HSPA4L: variants seen among roughly 807,000 people sequenced by gnomAD.
HSPA4L encodes the protein heat shock protein family A (Hsp70) member 4 like.
HSPA4L carries 48 observed loss-of-function variants against 100.3 expected under a neutral mutation model. The observed-to-expected ratio is 0.48, with a 90% CI of 0.38 to 0.61. The LOEUF is 0.61. HSPA4L is among the 20% of genes least tolerant of loss of function. HSPA4L has a pLI of 0.00. For missense variants in HSPA4L, 886 were observed against 988.6 expected, an observed-to-expected ratio of 0.90 and a Z score of 1.39; for synonymous variants, 319 against 328.2, an observed-to-expected ratio of 0.97 and a Z score of 0.30.
rs533860444 is a variant in HSPA4L at position 127,795,270 on chromosome 4, T to C, written c.166-498T>C. The stretch of plus-strand genomic sequence containing the variant: ...TCAGATTCTGTATTTTTTCAGATTT[T>C]GGAATATTTGCATGATACAGGTTGA... On this transcript the variant is annotated intron_variant, in intron 2 of 18. Transcript: ENST00000296464. Among the ~76,000 whole-genome samples, 4 of 152,282 alleles carry C rather than the reference T, an allele frequency of 2.6e-5. No individual in the cohort carries two copies. The East Asian group carries it at 5.8e-4, about 22-fold the overall frequency.
intron 5 of HSPA4L, 77 bp downstream of exon 5, chr4:127,801,314 A>G: frequency 9.5e-7 from 1 of 1,053,180 alleles, no homozygotes; most frequent in African/African-American, 1.7e-5. Flanking sequence ...ACAAAGCATT[A>G]TTTTTTTTTA....
At chr4:127,806,074 T>C (rs1004880504) in intron 10 of HSPA4L, among the ~76,000 whole-genome samples, 4 of 151,980 alleles carry the variant, frequency 2.6e-5, no homozygotes, top group Admixed American at 6.6e-5. Context: ...TCTTAGCCCA[T>C]TTTACAGACA....
chr4:127,800,313 T>C (rs1256108736), intron 4 of HSPA4L, among the ~76,000 whole-genome samples: 4 of 152,004 alleles, frequency 2.6e-5, no homozygotes. Flanking sequence ...TTTTGTTTTT[T>C]TTTAACTAGC....
chr4:127,824,035 TCTA>T (rs1184259805), intron 16 of HSPA4L, among the ~76,000 whole-genome samples: 2 of 152,192 alleles, frequency 1.3e-5, no homozygotes, highest in Non-Finnish European at 2.9e-5. Flanking sequence ...AACCACCAAT[TCTA>T]CTATCTGATT....
At chr4:127,784,683 T>G (rs546486733) in intron 1 of HSPA4L, among the ~76,000 whole-genome samples, 83 of 152,358 alleles carry the variant, frequency 5.4e-4, no homozygotes, top group Non-Finnish European at 1.0e-3. Flanking sequence ...TTCATGGTAG[T>G]GTAGTGCTCT....
intron 16 of HSPA4L, among the ~76,000 whole-genome samples, chr4:127,825,850 C>G (rs1733936139): frequency 6.7e-6 from 1 of 150,076 alleles, no homozygotes; most frequent in South Asian, 2.1e-4. Flanking sequence ...CGCTTGAACC[C>G]AGGAGGTGGA....
chr4:127,822,982 A>C (rs1733852977), intron 15 of HSPA4L, 88 bp downstream of exon 15: 2 of 1,326,752 alleles, frequency 1.5e-6, no homozygotes, highest in South Asian at 1.4e-5. Flanking sequence ...TAAATGTACC[A>C]AATGTTGTTA....
chr4:127,801,691 A>G, intron 5 of HSPA4L, 94 bp from the exon 6 acceptor site: 1 of 937,570 alleles, frequency 1.1e-6, no homozygotes, highest in Non-Finnish European at 1.6e-6. Flanking sequence ...ATGTATTACT[A>G]TACTGCATAT....
rs1734207273 is a variant in HSPA4L at position 127,836,235 on chromosome 4, CG to C, written c.*3364del. Reference sequence around the variant, plus strand: ...ACAAAAAATTAGCTGGGCATGGTGGCGGGCGCCGGTAGTCCCAGCTACTCAG... The same window carrying C: ...ACAAAAAATTAGCTGGGCATGGTGGCGGCGCCGGTAGTCCCAGCTACTCAG... On this transcript the variant is annotated 3_prime_UTR_variant, in exon 19 of 19. Coordinates refer to ENST00000296464, the MANE Select transcript of HSPA4L (RefSeq NM_014278.4). 6.6e-6 allele frequency: 1 copy of C among 152,214 alleles called. No homozygotes were observed. Among genetic ancestry groups the C allele is most frequent in the Non-Finnish European group, 1.5e-5 (1 of 68,432 alleles). The allele number at this position is 152,214 out of a possible 1,614,324, so 9.4% of individuals were successfully genotyped here. A position where few individuals can be genotyped will look rare whatever the true frequency, so the allele number is the denominator to read the frequency against.
chr4:127,801,072 T>G (rs1260903019), intron 4 of HSPA4L, 66 bp from the exon 5 acceptor site: 2 of 1,193,226 alleles, frequency 1.7e-6, no homozygotes, highest in Non-Finnish European at 2.4e-6. Context: ...TTAGGGTAAT[T>G]ATATTTTTCA....
At chr4:127,814,861 G>A (rs536078328) in intron 12 of HSPA4L, among the ~76,000 whole-genome samples, 27 of 152,100 alleles carry the variant, frequency 1.8e-4, no homozygotes, top group African/African-American at 5.5e-4. Flanking sequence ...CACCGTGCCC[G>A]GCCTGTGCAC....
Position 127,837,497 on chromosome 4 carries a change from C to T in HSPA4L, c.*4623C>T, listed in dbSNP as rs1411011926. ...TCTGATATTATCCTCTTACTACCTACAGTATGTTTTGCAAAAATCAGTCCA... is the reference window on the plus strand; with the variant it reads ...TCTGATATTATCCTCTTACTACCTATAGTATGTTTTGCAAAAATCAGTCCA... On this transcript the variant is annotated 3_prime_UTR_variant, in exon 19 of 19. Transcript: ENST00000296464. The T allele has an allele frequency of 2.0e-5, 3 of 152,164 alleles. No individual in the cohort carries two copies. Among genetic ancestry groups the T allele is most frequent in the Non-Finnish European group, 4.4e-5 (3 of 68,034 alleles). The allele number at this position is 152,164 out of a possible 1,614,324, so 9.4% of individuals were successfully genotyped here.
chr4:127,834,445 A>G lies in HSPA4L; in HGVS notation c.*1571A>G, dbSNP rs1734158991. 1 of 152,182 alleles carries G rather than the reference A, an allele frequency of 6.6e-6. No homozygotes were observed. Among genetic ancestry groups the G allele is most frequent in the African/African-American group, 2.4e-5 (1 of 41,454 alleles). 9.4% of individuals were successfully genotyped at this position (152,182 alleles called of 1,614,324 possible). Reference sequence around the variant, plus strand: ...ATGTAGTCAGCACTTAATGGAGAGTATGGAGTAGTGCATTTTGCAGGGATT... The same window carrying G: ...ATGTAGTCAGCACTTAATGGAGAGTGTGGAGTAGTGCATTTTGCAGGGATT... On this transcript the variant is annotated 3_prime_UTR_variant, in exon 19 of 19. Coordinates refer to ENST00000296464, the MANE Select transcript of HSPA4L (RefSeq NM_014278.4).
intron 12 of HSPA4L, among the ~76,000 whole-genome samples, chr4:127,816,168 A>G (rs761793774): frequency 9.9e-5 from 15 of 152,200 alleles, no homozygotes; most frequent in Non-Finnish European, 2.2e-4. Context: ...GCAAATAGCT[A>G]TGAGTACCTA....
intron 14 of HSPA4L, among the ~76,000 whole-genome samples, chr4:127,821,673 C>T (rs969799322): frequency 8.5e-5 from 13 of 152,084 alleles, no homozygotes; most frequent in Admixed American, 6.6e-4. Context: ...GGTGATTGTT[C>T]TCCAAAGCTC....
intron 1 of HSPA4L, among the ~76,000 whole-genome samples, chr4:127,790,936 T>G (rs1732858020): frequency 6.6e-6 from 1 of 152,082 alleles, no homozygotes; most frequent in Non-Finnish European, 1.5e-5. Flanking sequence ...CTGGGCAACA[T>G]GGTGAAACCC....
intron 13 of HSPA4L, among the ~76,000 whole-genome samples, chr4:127,819,844 A>G (rs1733762255): frequency 6.6e-6 from 1 of 152,228 alleles, no homozygotes; most frequent in South Asian, 2.1e-4. Flanking sequence ...GTATGAATAC[A>G]TACCACATTT....
chr4:127,800,833 T>C (rs1214839633), intron 4 of HSPA4L, among the ~76,000 whole-genome samples: 3 of 152,162 alleles, frequency 2.0e-5, no homozygotes, highest in African/African-American at 7.2e-5. Context: ...TTTTCAGTTT[T>C]TTATTATGAA....
At position 127,782,468 on chromosome 4, in the gene HSPA4L, A is replaced by G. The variant is rs752638198; in HGVS notation, c.-83A>G. 34 of 1,151,200 alleles carry G rather than the reference A, an allele frequency of 3.0e-5. No homozygotes were observed. The highest frequency in any genetic ancestry group is 3.9e-5 in the Non-Finnish European group (30 of 770,288). The allele number at this position is 1,151,200 out of a possible 1,614,324, so 71.3% of individuals were successfully genotyped here. On this transcript the variant is annotated 5_prime_UTR_variant, in exon 1 of 19. Transcript: ENST00000296464. The stretch of plus-strand genomic sequence containing the variant: ...TCGTTTGCTTCTGGTAGGAGTCGCA[A>G]TCCCAGCAGCAATAGCCCAGAAGAG...
Sources: allele counts gnomAD v4.1 joint callset (sites outside exome capture counted in the v4.1 genomes callset), GRCh38; gene constraint gnomAD v4.1.1; transcripts MANE v1.5; gene names NCBI Gene and HGNC (gene_info 2026-07-23, HGNC 2026-07-21).